The following ARMH4 variants were observed in gnomAD, a reference collection of about 807,000 sequenced individuals.
ARMH4 encodes the protein armadillo like helical domain containing 4, also known as armadillo-like helical domain-containing protein 4.
In ARMH4, 49 loss-of-function variants were observed where a neutral mutation model predicts 61.9. The ratio of observed to expected loss-of-function variants is 0.79; its 90% confidence interval spans 0.63 to 1.00. ARMH4 has a LOEUF of 1.00. Ranked by LOEUF, ARMH4 falls within the 50% of genes least tolerant of loss-of-function variation. ARMH4 has a pLI of 0.00. For missense variants in ARMH4, 934 were observed against 930.0 expected (o/e 1.00, Z -0.06); for synonymous variants, 368 against 341.5 (o/e 1.08, Z -0.85).
chr14:58,066,705 A>G (rs1453249383), intron 5 of ARMH4, among the ~76,000 whole-genome samples: 1 of 152,224 alleles, frequency 6.6e-6, no homozygotes, highest in Non-Finnish European at 1.5e-5. Flanking sequence ...CTTTTCCATG[A>G]GGAAAAACCA....
At chr14:58,106,474 C>CA (rs1342397351) in intron 4 of ARMH4, among the ~76,000 whole-genome samples, 1 of 152,212 alleles carries the variant, frequency 6.6e-6, no homozygotes, top group African/African-American at 2.4e-5. Context: ...ACAGAAATGT[C>CA]AGAGAACAGT....
chr14:58,035,120 C>G (rs879538155), intron 5 of ARMH4, among the ~76,000 whole-genome samples: 3,328 of 146,936 alleles, frequency 0.023, 46 homozygotes, highest in Middle Eastern at 0.042. Context: ...AGCACCACAC[C>G]TATTCCAAAA....
intron 4 of ARMH4, 127 bp from the exon 5 acceptor site, chr14:58,097,108 C>A: frequency 2.0e-6 from 2 of 1,020,412 alleles, no homozygotes; most frequent in African/African-American, 1.6e-5. Flanking sequence ...ATCTTTATAG[C>A]CAAAGTCAGA....
At chr14:58,092,694 T>C (rs1418931990) in intron 5 of ARMH4, among the ~76,000 whole-genome samples, 1 of 152,140 alleles carries the variant, frequency 6.6e-6, no homozygotes, top group African/African-American at 2.4e-5. Context: ...CTCGCTCCCA[T>C]CATCACATCT....
At chr14:58,139,731 T>C (rs950852072) in intron 1 of ARMH4, among the ~76,000 whole-genome samples, 5 of 152,224 alleles carry the variant, frequency 3.3e-5, no homozygotes, top group African/African-American at 4.8e-5. Context: ...TCTCTCCAAA[T>C]TCCTCTATTA....
At chr14:58,044,820 T>C (rs1452878698) in intron 5 of ARMH4, among the ~76,000 whole-genome samples, 1 of 152,196 alleles carries the variant, frequency 6.6e-6, no homozygotes, top group Non-Finnish European at 1.5e-5. Flanking sequence ...CAGACACTTC[T>C]CAAAAGAAGA....
Position 58,139,211 on chromosome 14 carries a change from T to A in ARMH4, c.148A>T (p.Met50Leu), listed in dbSNP as rs747597311. 6.2e-7 allele frequency: 1 copy of A among 1,614,134 alleles called. No homozygotes were observed. The highest frequency in any genetic ancestry group is 2.2e-5 in the East Asian group (1 of 44,902). Residue 50 changes from methionine (M) to leucine (L), a missense_variant, in exon 2 of 8, where the codon ATG (methionine) becomes TTG (leucine). Coordinates refer to ENST00000267485, the MANE Select transcript of ARMH4 (RefSeq NM_001001872.4). ...VHAEKGQSDK[M>L]NTDDLENSSV... ...CTATTTTCTAGGTCATCGGTGTTCA[T>A]CTTATCGGACTGCCCTTTTTCCGCA...
intron 5 of ARMH4, among the ~76,000 whole-genome samples, chr14:58,043,233 G>C (rs958420417): frequency 6.6e-6 from 1 of 152,122 alleles, no homozygotes; most frequent in Admixed American, 6.5e-5. Flanking sequence ...GAATCCAGCA[G>C]CACATCAAAA....
intron 5 of ARMH4, among the ~76,000 whole-genome samples, chr14:58,052,757 T>C (rs1884189491): frequency 1.3e-5 from 2 of 152,210 alleles, no homozygotes; most frequent in Non-Finnish European, 2.9e-5. Flanking sequence ...CATCCAATGC[T>C]GGCTGCAAAG....
Position 58,137,991 on chromosome 14 carries a change from T to G in ARMH4, c.1368A>C (p.Lys456Asn). ...TGTTTTTCTTTTTCTTTCTTTTACC[T>G]TTCATTGTATTTCCCAACAGTTGGT... Reference protein sequence around the residue: ...EADQLLGNTMKDIITQEMTTA... With the variant: ...EADQLLGNTMNDIITQEMTTA... The change falls in exon 2 of 8, where the codon AAA (lysine) becomes AAC (asparagine). Residue 456 changes from lysine (K) to asparagine (N), a missense_variant and splice_region_variant. Lys to Asn is a moderately conservative substitution (Grantham distance 94, BLOSUM62 0). Coordinates refer to ENST00000267485, the MANE Select transcript of ARMH4 (RefSeq NM_001001872.4). 1 of 1,594,284 alleles carries G rather than the reference T, an allele frequency of 6.3e-7. No homozygotes were observed. The highest frequency in any genetic ancestry group is 8.6e-7 in the Non-Finnish European group (1 of 1,167,202).
chr14:58,133,338 A>G lies in ARMH4; in HGVS notation c.1373T>C (p.Ile458Thr). ...DQLLGNTMKDIITQEMTTAVQ... is the reference protein window; with the variant it reads ...DQLLGNTMKDTITQEMTTAVQ... ...AGCTGTTGTCATCTCTTGAGTGATG[A>G]TGTCTTAAAGGGGGGAAAACATTTA... Residue 458 changes from isoleucine to threonine, a missense_variant, in exon 3 of 8, where the codon ATC becomes ACC. Coordinates refer to ENST00000267485, the MANE Select transcript of ARMH4 (RefSeq NM_001001872.4). 1 of 1,612,404 alleles carries G rather than the reference A, an allele frequency of 6.2e-7. No individual in the cohort carries two copies. The highest frequency in any genetic ancestry group is 1.1e-5 in the South Asian group (1 of 90,986).
Position 58,138,040 on chromosome 14 carries a change from A to T in ARMH4, c.1319T>A (p.Val440Asp). 4 of 1,614,078 alleles carry T rather than the reference A, an allele frequency of 2.5e-6. No individual in the cohort carries two copies. Among genetic ancestry groups the T allele is most frequent in the Non-Finnish European group, 3.4e-6 (4 of 1,179,904 alleles). Residue 440 changes from valine to aspartate, a missense_variant, in exon 2 of 8, where the codon GTC becomes GAC. Val to Asp is a radical substitution (Grantham distance 152, BLOSUM62 -3). Transcript: ENST00000267485. ...GTCTGCCTCAGACTCATATACAGAGACAGAAACAGTGGTTTCTAAGAAAAA... is the reference window on the plus strand; with the variant it reads ...GTCTGCCTCAGACTCATATACAGAGTCAGAAACAGTGGTTTCTAAGAAAAA... The part of the protein sequence containing the change: ...ALFFLETTVS[V>D]SVYESEADQL...
In ARMH4 at chr14:58,139,263, T is replaced by C; in HGVS notation, c.96A>G (p.Glu32=). The C allele has an allele frequency of 6.2e-7, 1 of 1,614,152 alleles. No individual in the cohort carries two copies. ...ATQCLAFPKI[E]RRREIAHVHA... is the part of the protein sequence containing the mutation. Reference sequence around the variant, plus strand: ...GAACATGTGCTATCTCCCTCCTCCTTTCTATTTTGGGGAAGGCCAGACATT... The same window carrying C: ...GAACATGTGCTATCTCCCTCCTCCTCTCTATTTTGGGGAAGGCCAGACATT... Residue 32 remains glutamate, a synonymous_variant, in exon 2 of 8, where the codon GAA becomes GAG. Transcript: ENST00000267485.
chr14:58,098,133 G>A (rs943414443), intron 4 of ARMH4, among the ~76,000 whole-genome samples: 1 of 152,068 alleles, frequency 6.6e-6, no homozygotes, highest in Admixed American at 6.6e-5. Context: ...GGAAGAAGAA[G>A]AACTGGAGCC....
At chr14:58,065,211 C>T (rs1351099744) in intron 5 of ARMH4, among the ~76,000 whole-genome samples, 1 of 152,100 alleles carries the variant, frequency 6.6e-6, no homozygotes, top group Non-Finnish European at 1.5e-5. Flanking sequence ...CACTGCACTC[C>T]AGCCTGACAA....
chr14:58,005,865 G>C (rs1407496648), intron 6 of ARMH4, among the ~76,000 whole-genome samples: 1 of 152,174 alleles, frequency 6.6e-6, no homozygotes, highest in Non-Finnish European at 1.5e-5. Context: ...TCTGTGAATG[G>C]AATCACCTTC....
chr14:58,141,420 G>C (rs890659995), intron 1 of ARMH4: 2 of 537,296 alleles, frequency 3.7e-6, no homozygotes, highest in Admixed American at 4.0e-5. Context: ...TATTTGCTGG[G>C]AAACGGCTGG....
At chr14:58,048,031 G>T (rs1883997860) in intron 5 of ARMH4, among the ~76,000 whole-genome samples, 1 of 152,128 alleles carries the variant, frequency 6.6e-6, no homozygotes, top group African/African-American at 2.4e-5. Context: ...TGCAGCCTTG[G>T]GTATGATAGG....
chr14:58,040,511 T>G, intron 5 of ARMH4, among the ~76,000 whole-genome samples: 1 of 152,244 alleles, frequency 6.6e-6, no homozygotes, highest in Non-Finnish European at 1.5e-5. Context: ...TCTTTATAGC[T>G]GCATAGTATT....
Sources: allele counts gnomAD v4.1 joint callset (sites outside exome capture counted in the v4.1 genomes callset), GRCh38; gene constraint gnomAD v4.1.1; transcripts MANE v1.5; gene names NCBI Gene and HGNC (gene_info 2026-07-23, HGNC 2026-07-21).